Variants in DPEP2 observed in about 807,000 individuals in gnomAD.
DPEP2 encodes the protein dipeptidase 2.
Under a neutral mutation model 51.8 loss-of-function variants are expected in DPEP2, and 45 were observed. The ratio of observed to expected loss-of-function variants is 0.87; its 90% CI spans 0.68 to 1.11. The LOEUF (loss-of-function observed/expected upper bound fraction) is 1.11. Ranked by LOEUF, DPEP2 falls within the 50% of genes most tolerant of loss-of-function variation. The probability of loss-of-function intolerance (pLI) is 0.00; values close to 1 mark genes in which losing one functional copy is unlikely to be tolerated. For missense variants in DPEP2, 604 were observed against 631.9 expected, an observed-to-expected ratio of 0.96 and a Z score of 0.47; for synonymous variants, 255 against 262.7, an observed-to-expected ratio of 0.97 and a Z score of 0.28.
chr16:67,992,232 C>G, intron 3 of DPEP2, 39 bp from the exon 4 acceptor site: 1 of 1,607,578 alleles, frequency 6.2e-7, no homozygotes, highest in Non-Finnish European at 8.5e-7. Context: ...ATGGGGGCTG[C>G]TTTGGAGGAC....
Position 67,993,022 on chromosome 16 carries a change from A to C in DPEP2, c.191T>G (p.Leu64Arg). Residue 64 changes from leucine to arginine, a missense_variant, in exon 2 of 11, where the codon CTC (leucine) becomes CGC (arginine). Coordinates refer to ENST00000393847, the MANE Select transcript of DPEP2 (RefSeq NM_022355.4). ...MPGTYAPSTT[L>R]SSPSTQGLQE... ...CAGGCCCTGGGTGCTGGGACTACTGAGTGTGGTCGAGGGAGCGTAGGTGCC... is the reference window on the plus strand; with the variant it reads ...CAGGCCCTGGGTGCTGGGACTACTGCGTGTGGTCGAGGGAGCGTAGGTGCC... 6.3e-7 allele frequency: 1 copy of C among 1,597,110 alleles called. No homozygotes were observed. Among genetic ancestry groups the C allele is most frequent in the Non-Finnish European group, 8.5e-7 (1 of 1,171,558 alleles).
chr16:67,993,425 C>T, intron 1 of DPEP2, 168 bp from the exon 2 acceptor site: 2 of 1,262,584 alleles, frequency 1.6e-6, no homozygotes, highest in South Asian at 3.0e-5. Context: ...GGCGCCCAGC[C>T]CTCCCGCCGT....
At chr16:67,989,849 G>T (rs569016868) in intron 8 of DPEP2, among the ~76,000 whole-genome samples, 198 bp downstream of exon 8, 1 of 152,208 alleles carries the variant, frequency 6.6e-6, no homozygotes, top group Non-Finnish European at 1.5e-5. Flanking sequence ...TAGCACTCAG[G>T]TTCTATGTGT....
In DPEP2 at chr16:67,990,145, C is replaced by T. The variant is rs761554456; in HGVS notation, c.910-14G>A. ...ACCGTTCTTCTTCTGCAGGGGCGGG[C>T]AAGTGGACACTTAGCCTGGCCCCTC... On this transcript the variant is annotated splice_polypyrimidine_tract_variant and intron_variant, in intron 7 of 10. Coordinates refer to ENST00000393847, the MANE Select transcript of DPEP2 (RefSeq NM_022355.4). 1 of 1,613,532 alleles carries T rather than the reference C, an allele frequency of 6.2e-7. No individual in the cohort carries two copies. The highest frequency in any genetic ancestry group is 1.7e-5 in the Admixed American group (1 of 60,006).
chr16:67,993,096 G>T lies in DPEP2; in HGVS notation c.117C>A (p.Pro39=). ...CGCCCAGCGTGGTGAGGGCTCTGGG[G>T]GGGCCTGGCGTGGTGTAGGCACAGG... ...PVTCAYTTPG[P]PRALTTLGAP... Residue 39 remains proline (P), a synonymous_variant, in exon 2 of 11, where the codon CCC becomes CCA. Transcript: ENST00000393847. The T allele has an allele frequency of 6.4e-7, 1 of 1,568,238 alleles. No individual in the cohort carries two copies. The highest frequency in any genetic ancestry group is 2.4e-5 in the East Asian group (1 of 42,458).
Position 67,991,568 on chromosome 16 carries a change from G to C in DPEP2, c.662+270C>G. ...AATTTTTGTGTTTTTCTTCAAGATA[G>C]GGTTTCACCATCTTGGCCAGGCTGG... On this transcript the variant is annotated intron_variant, in intron 5 of 10. Transcript: ENST00000393847. The surrounding 1 kb of genome is among the most constrained non-coding windows in gnomAD (Gnocchi z 5.1). 5.7e-6 allele frequency: 3 copies of C among 529,354 alleles called. No individual in the cohort carries two copies. Among genetic ancestry groups the C allele is most frequent in the Non-Finnish European group, 1.0e-5 (3 of 299,620 alleles). 32.8% of individuals were successfully genotyped at this position (529,354 alleles called of 1,614,324 possible).
At position 67,987,596 on chromosome 16, in the gene DPEP2, T is replaced by G. The variant is rs769721554; in HGVS notation, c.1371A>C (p.Pro457=). The G allele has an allele frequency of 3.7e-6, 6 of 1,614,036 alleles. No individual in the cohort carries two copies. The African/African-American group carries it at 5.3e-5, about 14-fold the overall frequency. Residue 457 remains proline, a synonymous_variant, in exon 11 of 11, where the codon CCA becomes CCC. Coordinates refer to ENST00000393847, the MANE Select transcript of DPEP2 (RefSeq NM_022355.4). ...AGGACTCTGAGACTGACCACTTGGC[T>G]GGTAACTTGGCTGTCCAGTGTATGG... ...EIPIHWTAKL[P]AKWSVSESSP...
intron 1 of DPEP2, chr16:67,994,995 G>T: frequency 1.6e-6 from 1 of 639,408 alleles, no homozygotes; most frequent in Non-Finnish European, 1.9e-6. Context: ...CCACCTCCTG[G>T]GTTCAAGCGA....
Position 67,990,082 on chromosome 16 carries a change from T to C in DPEP2, c.959A>G (p.Gln320Arg), listed in dbSNP as rs146119054. ...GGACACATTGGCTGATGGGTTGCACTGTATTACTCCCATGGACAAAGACAC... is the reference window on the plus strand; with the variant it reads ...GGACACATTGGCTGATGGGTTGCACCGTATTACTCCCATGGACAAAGACAC... ...VMVSLSMGVI[Q>R]CNPSANVSTV... The change falls in exon 8 of 11, where the codon CAG (glutamine) becomes CGG (arginine). Residue 320 changes from glutamine (Q) to arginine (R), a missense_variant. Coordinates refer to ENST00000393847, the MANE Select transcript of DPEP2 (RefSeq NM_022355.4). The C allele has an allele frequency of 1.2e-6, 2 of 1,614,172 alleles. No individual in the cohort carries two copies. Among genetic ancestry groups the C allele is most frequent in the Non-Finnish European group, 1.7e-6 (2 of 1,180,026 alleles).
Position 67,990,821 on chromosome 16 carries a change from C to G in DPEP2, c.909G>C (p.Leu303=). 1 of 1,610,838 alleles carries G rather than the reference C, an allele frequency of 6.2e-7. No individual in the cohort carries two copies. The highest frequency in any genetic ancestry group is 1.1e-5 in the South Asian group (1 of 90,860). The stretch of plus-strand genomic sequence containing the variant: ...GTTCCTGGGCTGGGCAGTTTCTCAC[C>G]AGAAGCTGCAGGATGTCATCAGGAA... ...RNVPDDILQL[L]KKNGGVVMVS... is the part of the protein sequence containing the mutation. The change falls in exon 7 of 11, where the codon CTG becomes CTC. Residue 303 remains leucine, a splice_region_variant and synonymous_variant. Coordinates refer to ENST00000393847, the MANE Select transcript of DPEP2 (RefSeq NM_022355.4).
At chr16:67,993,294 G>T in intron 1 of DPEP2, 37 bp from the exon 2 acceptor site, 1 of 1,365,274 alleles carries the variant, frequency 7.3e-7, no homozygotes, top group Non-Finnish European at 9.4e-7. Flanking sequence ...CGCGACGATG[G>T]AGTCCCGACC....
chr16:67,987,418 C>G lies in DPEP2; in HGVS notation c.*88G>C. On this transcript the variant is annotated 3_prime_UTR_variant, in exon 11 of 11. Transcript: ENST00000393847. ...GTTTCTATGTCCAAAACATTTATTT[C>G]AGGAAATATTTGTGCCTGCACAACA... 1 of 1,510,962 alleles carries G rather than the reference C, an allele frequency of 6.6e-7. No homozygotes were observed. Among genetic ancestry groups the G allele is most frequent in the Non-Finnish European group, 8.9e-7 (1 of 1,118,574 alleles). 93.6% of individuals were successfully genotyped at this position (1,510,962 alleles called of 1,614,324 possible).
rs255052 is a variant in DPEP2 at position 67,991,092 on chromosome 16, G to A, written c.732+23C>T. On this transcript the variant is annotated intron_variant, in intron 6 of 10. Coordinates refer to ENST00000393847, the MANE Select transcript of DPEP2 (RefSeq NM_022355.4). The surrounding 1 kb of genome is among the most constrained non-coding windows in gnomAD (Gnocchi z 5.1). ...TGGGGTGTGCACATTTGTTTGGGGT[G>A]GAGTGTGAACCAGGGTCCTCACCTC... 245,150 of 1,614,002 alleles carry A rather than the reference G, an allele frequency of 0.15. 19,484 individuals carry two copies. The highest frequency in any genetic ancestry group is 0.21 in the African/African-American group (16,019 of 75,000).
Position 67,993,016 on chromosome 16 carries a change from C to G in DPEP2, c.197G>C (p.Ser66Thr). The part of the protein sequence containing the change: ...GTYAPSTTLS[S>T]PSTQGLQEQA... ...CTCTTGCAGGCCCTGGGTGCTGGGACTACTGAGTGTGGTCGAGGGAGCGTA... is the reference window on the plus strand; with the variant it reads ...CTCTTGCAGGCCCTGGGTGCTGGGAGTACTGAGTGTGGTCGAGGGAGCGTA... Residue 66 changes from serine to threonine, a missense_variant, in exon 2 of 11, where the codon AGT becomes ACT. Physicochemically the swap from Ser to Thr is moderately conservative, Grantham distance 58. Transcript: ENST00000393847. 1 of 1,604,960 alleles carries G rather than the reference C, an allele frequency of 6.2e-7. No homozygotes were observed.
intron 3 of DPEP2, 51 bp from the exon 4 acceptor site, chr16:67,992,244 C>A (rs772021913): frequency 6.3e-7 from 1 of 1,594,700 alleles, no homozygotes; most frequent in Admixed American, 1.7e-5. Flanking sequence ...TTGGAGGACC[C>A]TGGACTGCTC....
At chr16:67,988,955 AAAG>A (rs538498559) in intron 9 of DPEP2, among the ~76,000 whole-genome samples, 195 of 152,194 alleles carry the variant, frequency 1.3e-3, no homozygotes, top group Non-Finnish European at 2.2e-3. Context: ...AGGAGGAGAC[AAAG>A]AAGAAGGAGG....
chr16:67,988,413 G>A (rs1178638961), intron 9 of DPEP2, among the ~76,000 whole-genome samples: 1 of 135,998 alleles, frequency 7.4e-6, no homozygotes, highest in Non-Finnish European at 1.5e-5. Flanking sequence ...AAGAAAGAAA[G>A]GAAAGAAAGG....
chr16:67,994,764 G>C (rs2032579465), intron 1 of DPEP2: 1 of 983,442 alleles, frequency 1.0e-6, no homozygotes, highest in Non-Finnish European at 1.2e-6. Flanking sequence ...CCCAGGAGGG[G>C]AAGTGATCCC....
intron 9 of DPEP2, 66 bp from the exon 10 acceptor site, chr16:67,988,053 A>G: frequency 6.2e-7 from 1 of 1,605,616 alleles, no homozygotes; most frequent in Non-Finnish European, 8.5e-7. Flanking sequence ...ACCACAGTCC[A>G]GGGTCTATGA....
Sources: allele counts gnomAD v4.1 joint callset (sites outside exome capture counted in the v4.1 genomes callset), GRCh38; gene constraint gnomAD v4.1.1; non-coding constraint Gnocchi (gnomAD v3.1); transcripts MANE v1.5; gene names NCBI Gene and HGNC (gene_info 2026-07-23, HGNC 2026-07-21).